The following ING1 variants were observed in gnomAD, a reference collection of about 807,000 sequenced individuals.
ING1 encodes the protein inhibitor of growth family member 1.
In ING1, 4 loss-of-function variants were observed where a neutral mutation model predicts 23.1. The observed-to-expected ratio is 0.17, with a 90% CI of 0.09 to 0.40. The LOEUF (loss-of-function observed/expected upper bound fraction) is 0.40, where lower values mean the gene tolerates loss of function less well. ING1 is among the 10% of genes least tolerant of loss of function. The pLI, the probability that ING1 is intolerant of heterozygous loss-of-function variation, is 1.00. For missense variants in ING1, 256 were observed against 393.8 expected, an observed-to-expected ratio of 0.65 and a Z score of 2.96; for synonymous variants, 179 against 166.4, an observed-to-expected ratio of 1.08 and a Z score of -0.58.
chr13:110,713,339 G>C, upstream of ING1: 1 of 1,110,600 alleles, frequency 9.0e-7, no homozygotes, highest in Non-Finnish European at 1.1e-6. Context: ...GGCCCGTTAG[G>C]TCCTGGTCGG....
chr13:110,714,429 A>C, intron 1 of ING1, 144 bp downstream of exon 1: 1 of 733,994 alleles, frequency 1.4e-6, no homozygotes, highest in Non-Finnish European at 1.9e-6. Flanking sequence ...CAGGAACAAA[A>C]GGTCTGGAGC....
At position 110,722,199 on chromosome 13, in the gene ING1, C is replaced by A. The variant is rs1431497528; in HGVS notation, c.*2267C>A. ...TGAACTTTTTACATATCAATACTTA[C>A]AAATAGGTGTTTATTTTCCCACAAA... is the stretch of plus-strand genomic sequence containing the variant. On this transcript the variant is annotated 3_prime_UTR_variant, in exon 2 of 2. Coordinates refer to ENST00000333219, the MANE Select transcript of ING1 (RefSeq NM_198219.3). 1 of 152,068 alleles carries A rather than the reference C, an allele frequency of 6.6e-6. No homozygotes were observed. The highest frequency in any genetic ancestry group is 2.4e-5 in the African/African-American group (1 of 41,392). The allele number at this position is 152,068 out of a possible 1,614,324, so 9.4% of individuals were successfully genotyped here.
chr13:110,715,020 G>C (rs372543928), intron 1 of ING1: 6 of 993,918 alleles, frequency 6.0e-6, no homozygotes, highest in South Asian at 4.6e-5. Flanking sequence ...GCTGCGCTCG[G>C]GGGGGCGCGG....
chr13:110,717,150 A>G (rs2139972129), intron 1 of ING1, among the ~76,000 whole-genome samples: 1 of 152,332 alleles, frequency 6.6e-6, no homozygotes, highest in South Asian at 2.1e-4. Context: ...AAGTGATACC[A>G]TTTTGTAACC....
Position 110,721,213 on chromosome 13 carries a change from T to G in ING1, c.*1281T>G, listed in dbSNP as rs2064169717. The G allele has an allele frequency of 6.4e-6, 1 of 156,294 alleles. No individual in the cohort carries two copies. The highest frequency in any genetic ancestry group is 6.5e-5 in the Admixed American group (1 of 15,284). 9.7% of individuals were successfully genotyped at this position (156,294 alleles called of 1,614,324 possible). ...CAGAAAGGGTTTGCTGACCTCTGAT[T>G]TAGACTAGCATCTAACATTGATTTG... On this transcript the variant is annotated 3_prime_UTR_variant, in exon 2 of 2. Coordinates refer to ENST00000333219, the MANE Select transcript of ING1 (RefSeq NM_198219.3).
At position 110,714,023 on chromosome 13, in the gene ING1, C is replaced by G; in HGVS notation, c.-127C>G. On this transcript the variant is annotated 5_prime_UTR_variant, in exon 1 of 2. Coordinates refer to ENST00000333219, the MANE Select transcript of ING1 (RefSeq NM_198219.3). ...GGCAGATGTAGCCGCCGGGCCGAAG[C>G]AGGAGCCGGCGGGGGGGCGCCGGGA... The G allele has an allele frequency of 8.3e-7, 1 of 1,207,830 alleles. No individual in the cohort carries two copies. Among genetic ancestry groups the G allele is most frequent in the Middle Eastern group, 3.3e-4 (1 of 3,028 alleles). The allele number at this position is 1,207,830 out of a possible 1,614,324, so 74.8% of individuals were successfully genotyped here.
At chr13:110,717,796 G>T (rs2064136662) in intron 1 of ING1, among the ~76,000 whole-genome samples, 1 of 152,226 alleles carries the variant, frequency 6.6e-6, no homozygotes, top group Non-Finnish European at 1.5e-5. Flanking sequence ...TTGCACTCCA[G>T]CCTGGGCAAC....
rs1009824350 is a variant in ING1, at chr13:110,722,741, T to C, written c.*2809T>C. On this transcript the variant is annotated 3_prime_UTR_variant, in exon 2 of 2. Transcript: ENST00000333219. ...CTCATAAGGACAGGTGGGTAGCCAC[T>C]TATTCTTTAAAAAAAAATAGATACA... 6.6e-6 allele frequency: 1 copy of C among 152,196 alleles called. No individual in the cohort carries two copies. The highest frequency in any genetic ancestry group is 2.4e-5 in the African/African-American group (1 of 41,430). The allele number at this position is 152,196 out of a possible 1,614,324, so 9.4% of individuals were successfully genotyped here.
At chr13:110,712,935 A>G, upstream of ING1, 1 of 1,557,382 alleles carries the variant, frequency 6.4e-7, no homozygotes, top group South Asian at 1.2e-5. Flanking sequence ...CAGGCGCGGG[A>G]GCCGCCTAGG....
chr13:110,713,359 G>A (rs1202051465), upstream of ING1: 4 of 1,072,340 alleles, frequency 3.7e-6, no homozygotes, highest in Admixed American at 5.2e-5. Context: ...GGTTTTCAGC[G>A]AAGCAGGCCG....
chr13:110,715,812 GC>G (rs1393712595), intron 1 of ING1: 5 of 1,582,724 alleles, frequency 3.2e-6, no homozygotes, highest in Non-Finnish European at 4.3e-6. Context: ...GGCGGGTGTC[GC>G]CCCGGCCCCT....
Position 110,719,801 on chromosome 13 carries a change from C to T in ING1, c.709C>T (p.His237Tyr). The T allele has an allele frequency of 6.2e-7, 1 of 1,613,966 alleles. No homozygotes were observed. Among genetic ancestry groups the T allele is most frequent in the Non-Finnish European group, 8.5e-7 (1 of 1,180,022 alleles). The change falls in exon 2 of 2, where the codon CAC becomes TAC. Residue 237 changes from histidine (H) to tyrosine (Y), a missense_variant. Around this residue, in one of 3 missense-constraint regions of ING1, gnomAD observed 25 missense variants for 95.8 expected, o/e 0.26. Coordinates refer to ENST00000333219, the MANE Select transcript of ING1 (RefSeq NM_198219.3). This position sits in a 1 kb window ranked among gnomAD's most constrained non-coding sequence, Gnocchi z 8.9. ...DNDECPIEWF[H>Y]FSCVGLNHKP... ...CGACGAGTGCCCCATCGAGTGGTTC[C>T]ACTTCTCGTGCGTGGGGCTCAATCA...
upstream of ING1, chr13:110,713,017 C>T (rs746618373): frequency 1.4e-5 from 21 of 1,517,322 alleles, no homozygotes; most frequent in Admixed American, 1.6e-4. Flanking sequence ...GCTCAAAGGA[C>T]ACCGAGAGGG....
Position 110,715,322 on chromosome 13 carries a change from G to A in ING1, c.136+1037G>A, listed in dbSNP as rs953863546. 74 of 1,435,366 alleles carry A rather than the reference G, an allele frequency of 5.2e-5. No individual in the cohort carries two copies. The East Asian group carries it at 9.4e-4, about 18-fold the overall frequency. 88.9% of individuals were successfully genotyped at this position (1,435,366 alleles called of 1,614,324 possible). ...ACCGCTATCCCCGAAAGTACTAGAC[G>A]CCTCTGCCGGGAAGGCGCCCCTGCG... On this transcript the variant is annotated intron_variant, in intron 1 of 1. Coordinates refer to ENST00000333219, the MANE Select transcript of ING1 (RefSeq NM_198219.3).
In ING1 at chr13:110,719,443, G is replaced by A. The variant is rs2064152655; in HGVS notation, c.351G>A (p.Gln117=). ...DSHVELFEAQ[Q]ELGDTAGNSG... ...ACGTGGAGCTGTTCGAGGCGCAGCAGGAGCTGGGCGACACAGCGGGCAACA... is the reference window on the plus strand; with the variant it reads ...ACGTGGAGCTGTTCGAGGCGCAGCAAGAGCTGGGCGACACAGCGGGCAACA... Residue 117 remains glutamine, a synonymous_variant, in exon 2 of 2, where the codon CAG becomes CAA. Transcript: ENST00000333219. The surrounding 1 kb of genome is among the most constrained non-coding windows in gnomAD (Gnocchi z 8.9). 1 of 1,612,652 alleles carries A rather than the reference G, an allele frequency of 6.2e-7. No homozygotes were observed. Among genetic ancestry groups the A allele is most frequent in the Admixed American group, 1.7e-5 (1 of 59,948 alleles).
At position 110,721,334 on chromosome 13, in the gene ING1, T is replaced by C. The variant is rs985559387; in HGVS notation, c.*1402T>C. On this transcript the variant is annotated 3_prime_UTR_variant, in exon 2 of 2. Coordinates refer to ENST00000333219, the MANE Select transcript of ING1 (RefSeq NM_198219.3). ...TGGAGTGCAATAGCGCAATCTTGGC[T>C]CACCGCAACCTCCGCCTCCCAGGTT... The C allele has an allele frequency of 3.9e-5, 6 of 152,364 alleles. No individual in the cohort carries two copies. Among genetic ancestry groups the C allele is most frequent in the African/African-American group, 1.2e-4 (5 of 41,460 alleles). 9.4% of individuals were successfully genotyped at this position (152,364 alleles called of 1,614,324 possible).
In ING1 at chr13:110,721,858, C is replaced by T. The variant is rs1274812191; in HGVS notation, c.*1926C>T. On this transcript the variant is annotated 3_prime_UTR_variant, in exon 2 of 2. Coordinates refer to ENST00000333219, the MANE Select transcript of ING1 (RefSeq NM_198219.3). ...CAGTGCTGGGATTACAGGCGTGAGC[C>T]ACCGTGCGCTGAGTGATACGTGGTT... The T allele has an allele frequency of 2.0e-5, 3 of 152,230 alleles. No homozygotes were observed. The highest frequency in any genetic ancestry group is 4.4e-5 in the Non-Finnish European group (3 of 68,064). 9.4% of individuals were successfully genotyped at this position (152,230 alleles called of 1,614,324 possible). A position where few individuals can be genotyped will look rare whatever the true frequency, so the allele number is the denominator to read the frequency against.
upstream of ING1, chr13:110,713,006 A>C (rs2064052668): frequency 1.3e-6 from 2 of 1,533,090 alleles, no homozygotes; most frequent in Non-Finnish European, 1.8e-6. Context: ...CTGCGGCCGC[A>C]GCTCAAAGGA....
At chr13:110,712,803 C>T (rs765554645), upstream of ING1, 10 of 774,420 alleles carry the variant, frequency 1.3e-5, no homozygotes, top group African/African-American at 1.0e-4. Flanking sequence ...CCCCTCGGGC[C>T]TATCCACCTC....
Sources: allele counts gnomAD v4.1 joint callset (sites outside exome capture counted in the v4.1 genomes callset), GRCh38; gene constraint gnomAD v4.1.1; regional missense constraint gnomAD v4.1.1; non-coding constraint Gnocchi (gnomAD v3.1); transcripts MANE v1.5; gene names NCBI Gene and HGNC (gene_info 2026-07-23, HGNC 2026-07-21).